Variants in ENOX2 observed in about 807,000 individuals in gnomAD.
ENOX2 encodes the protein APK1 antigen.
In ENOX2, 36 loss-of-function variants were observed where a neutral mutation model predicts 45.0. The observed-to-expected ratio is 0.80, with a 90% CI of 0.61 to 1.06. ENOX2 has a LOEUF of 1.06. Among genes scored for constraint, ENOX2 ranks in the 50% least tolerant of loss-of-function variants. The probability of loss-of-function intolerance (pLI) is 0.00; values close to 1 mark genes in which losing one functional copy is unlikely to be tolerated. For synonymous variants in ENOX2, 174 were observed against 152.3 expected, an observed-to-expected ratio of 1.14 and a Z score of -1.05; for missense variants, 423 against 462.5, an observed-to-expected ratio of 0.91 and a Z score of 0.78.
intron 4 of ENOX2, among the ~76,000 whole-genome samples, chrX:130,692,688 C>A (rs977497126): frequency 9.3e-6 from 1 of 107,426 alleles, no homozygotes; most frequent in African/African-American, 3.4e-5. Flanking sequence ...TCAAGCAATT[C>A]TCCTGCCTCA....
chrX:130,828,195 T>G (rs1429073940), intron 2 of ENOX2, among the ~76,000 whole-genome samples: 1 of 111,891 alleles, frequency 8.9e-6, no homozygotes, highest in Non-Finnish European at 1.9e-5. Flanking sequence ...AAGCCCATAA[T>G]TCATACTAAC....
intron 10 of ENOX2, among the ~76,000 whole-genome samples, chrX:130,640,964 C>T (rs2036064179): frequency 2.7e-5 from 3 of 111,276 alleles, no homozygotes; most frequent in Non-Finnish European, 5.7e-5. Flanking sequence ...ACAGAATATC[C>T]AAGAACTGTA....
chrX:130,827,215 G>A (rs1448347456), intron 2 of ENOX2, among the ~76,000 whole-genome samples: 1 of 111,989 alleles, frequency 8.9e-6, no homozygotes, highest in Non-Finnish European at 1.9e-5. Flanking sequence ...GAAAAGCCAT[G>A]CAGTTTCTCC....
At chrX:130,648,735 C>A (rs1297151862) in intron 10 of ENOX2, among the ~76,000 whole-genome samples, 1 of 109,450 alleles carries the variant, frequency 9.1e-6, no homozygotes, top group East Asian at 2.9e-4. Context: ...AAGGGGGGTG[C>A]ATTCTCACTC....
rs2036551628 is a variant in ENOX2, at chrX:130,656,568, G to A, written c.1129+13C>T. ...ACATGTTTATTAAATAAAGAAAACA[G>A]AATTATCTTTACCTGATTCCTCAGT... On this transcript the variant is annotated intron_variant, in intron 10 of 14. Transcript: ENST00000394363. 3.1e-6 allele frequency: 3 copies of A among 981,186 alleles called. No individual in the cohort carries two copies. Among genetic ancestry groups the A allele is most frequent in the Non-Finnish European group, 4.3e-6 (3 of 691,487 alleles). 80.9% of individuals were successfully genotyped at this position (981,186 alleles called of 1,213,427 possible). A position where few individuals can be genotyped will look rare whatever the true frequency, so the allele number is the denominator to read the frequency against.
intron 3 of ENOX2, among the ~76,000 whole-genome samples, chrX:130,780,632 A>G (rs773044710): frequency 2.1e-4 from 23 of 111,881 alleles, no homozygotes; most frequent in African/African-American, 6.5e-4. Context: ...CAAAGAGTTC[A>G]AGGTGGTTGC....
At chrX:130,651,520 C>G (rs1391340708) in intron 10 of ENOX2, among the ~76,000 whole-genome samples, 1 of 111,744 alleles carries the variant, frequency 8.9e-6, no homozygotes, top group African/African-American at 3.3e-5. Flanking sequence ...CCAGGCTTAC[C>G]ATGCCAATCC....
At chrX:130,699,114 A>T (rs1381313910) in intron 4 of ENOX2, among the ~76,000 whole-genome samples, 5 of 112,318 alleles carry the variant, frequency 4.5e-5, no homozygotes. Context: ...CCAGCTTCTC[A>T]AAGCAAATAC....
intron 3 of ENOX2, among the ~76,000 whole-genome samples, chrX:130,718,395 G>C (rs1190119357): frequency 9.0e-6 from 1 of 111,543 alleles, no homozygotes; most frequent in Non-Finnish European, 1.9e-5. Context: ...GGAGCCAGAA[G>C]ACCATGCTAT....
At chrX:130,706,949 A>C (rs1400227020) in intron 3 of ENOX2, among the ~76,000 whole-genome samples, 1 of 112,425 alleles carries the variant, frequency 8.9e-6, no homozygotes, top group Non-Finnish European at 1.9e-5. Flanking sequence ...TTTTGCTTTC[A>C]AAGGAAAATC....
At chrX:130,830,923 G>T (rs2077812077) in intron 2 of ENOX2, among the ~76,000 whole-genome samples, 1 of 111,324 alleles carries the variant, frequency 9.0e-6, no homozygotes, top group South Asian at 3.8e-4. Flanking sequence ...ACACAAACTG[G>T]GTAATTTATA....
At position 130,795,514 on chromosome X, in the gene ENOX2, C is replaced by A. The variant is rs140133961; in HGVS notation, c.-182-11824G>T. Among the ~76,000 whole-genome samples, 3 of 112,386 alleles carry A rather than the reference C, an allele frequency of 2.7e-5. No individual in the cohort carries two copies. The East Asian group carries it at 8.3e-4, about 31-fold the overall frequency. On this transcript the variant is annotated intron_variant, in intron 2 of 14. Transcript: ENST00000394363. The stretch of plus-strand genomic sequence containing the variant: ...CAATAAATTAATATTGACTGATAGT[C>A]TCTCTCTTTATTTGTCCAATTCATT...
At chrX:130,814,657 G>A (rs1357352198) in intron 2 of ENOX2, among the ~76,000 whole-genome samples, 1 of 112,006 alleles carries the variant, frequency 8.9e-6, no homozygotes, top group Non-Finnish European at 1.9e-5. Flanking sequence ...AGAGGTTCCT[G>A]ACTGTTAGAA....
intron 2 of ENOX2, among the ~76,000 whole-genome samples, chrX:130,801,683 C>T (rs1160880697): frequency 9.0e-6 from 1 of 111,730 alleles, no homozygotes; most frequent in Non-Finnish European, 1.9e-5. Flanking sequence ...TAAACTTATT[C>T]CTCACCCATG....
At chrX:130,884,774 G>C (rs1214126929) in intron 2 of ENOX2, among the ~76,000 whole-genome samples, 1 of 111,459 alleles carries the variant, frequency 9.0e-6, no homozygotes, top group African/African-American at 3.3e-5. Flanking sequence ...GAGACAGACA[G>C]AAAGAAAGAA....
chrX:130,641,762 A>C (rs773009248), intron 10 of ENOX2, among the ~76,000 whole-genome samples: 1 of 108,864 alleles, frequency 9.2e-6, no homozygotes, highest in Admixed American at 9.8e-5. Flanking sequence ...TGCTAAATCT[A>C]CTCTTCCTGT....
At chrX:130,885,268 G>A (rs2078881639) in intron 2 of ENOX2, among the ~76,000 whole-genome samples, 1 of 111,350 alleles carries the variant, frequency 9.0e-6, no homozygotes, top group Non-Finnish European at 1.9e-5. Context: ...GAGGCAGCCT[G>A]ATATCAGGGA....
intron 2 of ENOX2, among the ~76,000 whole-genome samples, chrX:130,802,586 C>T (rs1351726836): frequency 8.9e-6 from 1 of 111,756 alleles, no homozygotes; most frequent in African/African-American, 3.3e-5. Context: ...TTCTAAAGCT[C>T]AGAGACGCTA....
chrX:130,666,984 T>C (rs1313556537), intron 8 of ENOX2, among the ~76,000 whole-genome samples: 2 of 112,013 alleles, frequency 1.8e-5, no homozygotes, highest in Non-Finnish European at 3.8e-5. Context: ...TTTTTAAAAA[T>C]GGCCATTTTG....
Sources: allele counts gnomAD v4.1 joint callset (sites outside exome capture counted in the v4.1 genomes callset), GRCh38; gene constraint gnomAD v4.1.1; transcripts MANE v1.5; gene names NCBI Gene and HGNC (gene_info 2026-07-23, HGNC 2026-07-21).